PARP8: variants seen among roughly 807,000 people sequenced by gnomAD.
PARP8 encodes protein mono-ADP-ribosyltransferase PARP8.
In PARP8, 51 loss-of-function variants were observed where a neutral mutation model predicts 124.1. The ratio of observed to expected loss-of-function variants is 0.41; its 90% CI spans 0.33 to 0.52. PARP8 has a LOEUF of 0.52. Among genes scored for constraint, PARP8 ranks in the 20% least tolerant of loss-of-function variants. The pLI is 0.21. For synonymous variants in PARP8, 391 were observed against 361.5 expected, an observed-to-expected ratio of 1.08 and a Z score of -0.93; for missense variants, 860 against 1,018.9, an observed-to-expected ratio of 0.84 and a Z score of 2.12.
chr5:50,781,324 A>G (rs1233474927), intron 9 of PARP8, among the ~76,000 whole-genome samples: 1 of 151,570 alleles, frequency 6.6e-6, no homozygotes, highest in African/African-American at 2.4e-5. Context: ...TTTGTTGTGA[A>G]TATCAATCAG....
At chr5:50,789,472 C>T (rs1226958967) in intron 10 of PARP8, among the ~76,000 whole-genome samples, 1 of 150,910 alleles carries the variant, frequency 6.6e-6, no homozygotes, top group East Asian at 1.9e-4. Flanking sequence ...TGTGGTTTTC[C>T]CTGAAGAAAA....
chr5:50,826,902 A>G, intron 19 of PARP8, 99 bp downstream of exon 19: 4 of 1,473,154 alleles, frequency 2.7e-6, no homozygotes, highest in Non-Finnish European at 2.7e-6. Flanking sequence ...AGACTCTCCA[A>G]GAATTGAAGT....
Position 50,846,157 on chromosome 5 carries a change from A to G in PARP8, c.*4089A>G, listed in dbSNP as rs910865043. 6.6e-6 allele frequency: 1 copy of G among 151,742 alleles called. No homozygotes were observed. The highest frequency in any genetic ancestry group is 6.6e-5 in the Admixed American group (1 of 15,182). The allele number at this position is 151,742 out of a possible 1,614,324, so 9.4% of individuals were successfully genotyped here. On this transcript the variant is annotated 3_prime_UTR_variant, in exon 26 of 26. Transcript: ENST00000281631. ...AAATAATATCTTCGATCTGCCCAAT[A>G]TTTAATGTATCATTTGAGATTTTTA...
At chr5:50,667,925 G>C (rs1192527851) in intron 1 of PARP8, 146 bp from the exon 2 acceptor site, 2 of 1,531,290 alleles carry the variant, frequency 1.3e-6, no homozygotes, top group Non-Finnish European at 1.7e-6. Flanking sequence ...CTCGGACGCG[G>C]CGCAGAGGGA....
intron 19 of PARP8, among the ~76,000 whole-genome samples, chr5:50,827,319 G>T (rs1349551134): frequency 6.6e-6 from 1 of 152,082 alleles, no homozygotes; most frequent in African/African-American, 2.4e-5. Context: ...ATCTCTAAAT[G>T]TGAGATTCCT....
Position 50,832,794 on chromosome 5 carries a change from A to G in PARP8, c.2247A>G (p.Lys749=), listed in dbSNP as rs1357400281. 1.2e-6 allele frequency: 2 copies of G among 1,613,374 alleles called. No individual in the cohort carries two copies. Among genetic ancestry groups the G allele is most frequent in the African/African-American group, 2.7e-5 (2 of 74,878 alleles). The change falls in exon 23 of 26, where the codon AAA becomes AAG. Residue 749 remains lysine (K), a synonymous_variant. Coordinates refer to ENST00000281631, the MANE Select transcript of PARP8 (RefSeq NM_024615.4). ...CGATGTTTTCAGGGATGAACAAGAAACAGAAGGTGTCAGCCAAGGACGAGC... is the reference window on the plus strand; with the variant it reads ...CGATGTTTTCAGGGATGAACAAGAAGCAGAAGGTGTCAGCCAAGGACGAGC... ...ISFGYSGMNK[K]QKVSAKDEPA...
Position 50,760,280 on chromosome 5 carries a change from ACTTT to A in PARP8, c.275-6_275-3del. 2 of 1,490,634 alleles carry A rather than the reference ACTTT, an allele frequency of 1.3e-6. No individual in the cohort carries two copies. Among genetic ancestry groups the A allele is most frequent in the Non-Finnish European group, 9.1e-7 (1 of 1,103,210 alleles). The allele number at this position is 1,490,634 out of a possible 1,614,324, so 92.3% of individuals were successfully genotyped here. Reference sequence around the variant, plus strand: ...GTATCATAATATTTTTTAAATTACAACTTTCTTTCAGAATTAAGAAAAACAAATG... The same window carrying A: ...GTATCATAATATTTTTTAAATTACAACTTTCAGAATTAAGAAAAACAAATG... On this transcript the variant is annotated splice_region_variant and splice_polypyrimidine_tract_variant and intron_variant, in intron 4 of 25. Coordinates refer to ENST00000281631, the MANE Select transcript of PARP8 (RefSeq NM_024615.4).
At chr5:50,798,424 G>GTTT (rs748058229) in intron 14 of PARP8, among the ~76,000 whole-genome samples, 130 of 135,970 alleles carry the variant, frequency 9.6e-4, no homozygotes, top group African/African-American at 3.3e-3. Flanking sequence ...TATTTTTTTT[G>GTTT]TTTTTTTTTT....
At chr5:50,812,826 C>A (rs922286681) in intron 14 of PARP8, among the ~76,000 whole-genome samples, 1 of 152,106 alleles carries the variant, frequency 6.6e-6, no homozygotes. Flanking sequence ...AGCCAGTTTT[C>A]CCAGCACCAT....
At chr5:50,830,092 A>C in intron 22 of PARP8, 131 bp downstream of exon 22, 1 of 1,119,514 alleles carries the variant, frequency 8.9e-7, no homozygotes, top group Non-Finnish European at 1.2e-6. Context: ...CTAAATGTCA[A>C]AAGCAAAAAC....
chr5:50,731,177 C>T (rs1248238119), intron 2 of PARP8, among the ~76,000 whole-genome samples: 1 of 152,156 alleles, frequency 6.6e-6, no homozygotes, highest in African/African-American at 2.4e-5. Flanking sequence ...AAGGGATGTG[C>T]AACTGGGTGA....
chr5:50,783,285 C>A (rs1026286644), intron 9 of PARP8, among the ~76,000 whole-genome samples: 2 of 152,070 alleles, frequency 1.3e-5, no homozygotes, highest in Non-Finnish European at 2.9e-5. Context: ...TCAAGTCCAA[C>A]CAGCGCTTCC....
intron 17 of PARP8, among the ~76,000 whole-genome samples, chr5:50,824,272 A>G (rs1157811908): frequency 6.6e-6 from 1 of 152,220 alleles, no homozygotes; most frequent in African/African-American, 2.4e-5. Flanking sequence ...TAAAATGGTC[A>G]TTGTGAAAGA....
chr5:50,819,427 C>CTT (rs34347134), intron 15 of PARP8, among the ~76,000 whole-genome samples: 592 of 46,644 alleles, frequency 0.013, 74 homozygotes, highest in Middle Eastern at 0.065. Flanking sequence ...ATTTTATCTT[C>CTT]TTTTTTTTTT....
chr5:50,770,619 AG>A (rs1186637187), intron 7 of PARP8, among the ~76,000 whole-genome samples: 47 of 151,924 alleles, frequency 3.1e-4, no homozygotes, highest in South Asian at 2.1e-3. Context: ...GAAGGAAGGA[AG>A]GAAGGAGGGA....
intron 3 of PARP8, among the ~76,000 whole-genome samples, chr5:50,751,328 A>G (rs1376187183): frequency 6.6e-6 from 1 of 152,160 alleles, no homozygotes; most frequent in Admixed American, 6.5e-5. Context: ...ATTCTAAAAA[A>G]AGTATTGATT....
chr5:50,667,568 C>T (rs1373842248), intron 1 of PARP8: 2 of 698,164 alleles, frequency 2.9e-6, no homozygotes, highest in African/African-American at 1.8e-5. Context: ...GCGGCGGCGG[C>T]CGGGAATGGA....
At chr5:50,739,289 A>G (rs1580156838) in intron 2 of PARP8, among the ~76,000 whole-genome samples, 1 of 152,100 alleles carries the variant, frequency 6.6e-6, no homozygotes, top group Non-Finnish European at 1.5e-5. Context: ...TAGGGCTTCC[A>G]TATGAAGAAG....
chr5:50,813,638 G>A (rs1450571255), intron 14 of PARP8, among the ~76,000 whole-genome samples: 5 of 152,134 alleles, frequency 3.3e-5, no homozygotes, highest in Admixed American at 2.6e-4. Flanking sequence ...TGTTAAATAG[G>A]AGTGGTGAGA....
Sources: allele counts gnomAD v4.1 joint callset (sites outside exome capture counted in the v4.1 genomes callset), GRCh38; gene constraint gnomAD v4.1.1; transcripts MANE v1.5; gene names NCBI Gene and HGNC (gene_info 2026-07-23, HGNC 2026-07-21).